Variants in RALY observed in about 807,000 individuals in gnomAD.
The protein encoded by RALY is RNA-binding protein Raly.
RALY carries 15 observed loss-of-function variants against 30.7 expected under a neutral mutation model. The ratio of observed to expected loss-of-function variants is 0.49; its 90% CI spans 0.33 to 0.75. RALY has a LOEUF of 0.75. Among genes scored for constraint, RALY ranks in the 30% least tolerant of loss-of-function variants. The probability of loss-of-function intolerance (pLI) is 0.02; values close to 1 mark genes in which losing one functional copy is unlikely to be tolerated. For missense variants in RALY, 339 were observed against 414.3 expected (o/e 0.82, Z 1.58); for synonymous variants, 177 against 170.8 (o/e 1.04, Z -0.28).
At chr20:34,025,986 G>T (rs377207428) in intron 1 of RALY, among the ~76,000 whole-genome samples, 25 of 143,050 alleles carry the variant, frequency 1.7e-4, no homozygotes, top group African/African-American at 5.6e-4. Context: ...ACTGGAGAAA[G>T]GTCCAGAGGA....
intron 2 of RALY, among the ~76,000 whole-genome samples, chr20:34,068,988 G>A (rs2033653431): frequency 6.6e-6 from 1 of 152,210 alleles, no homozygotes. Context: ...TGGGTACCTA[G>A]CGCATGCCAT....
chr20:34,030,161 T>C (rs1450819913), intron 1 of RALY, among the ~76,000 whole-genome samples: 2 of 152,138 alleles, frequency 1.3e-5, no homozygotes, highest in African/African-American at 4.8e-5. Context: ...CCTTCTGTTT[T>C]TGAGAATTGT....
chr20:33,996,867 A>T (rs1181799150), intron 1 of RALY, among the ~76,000 whole-genome samples: 1 of 152,152 alleles, frequency 6.6e-6, no homozygotes, highest in Admixed American at 6.5e-5. Flanking sequence ...ATGTAAGTGG[A>T]ATCATGCAAT....
chr20:34,006,841 T>C (rs2031180969), intron 1 of RALY, among the ~76,000 whole-genome samples: 1 of 152,184 alleles, frequency 6.6e-6, no homozygotes, highest in Non-Finnish European at 1.5e-5. Context: ...AGGGATGAAA[T>C]CGCCTAATGA....
chr20:34,048,871 A>T (rs558255751), intron 2 of RALY, among the ~76,000 whole-genome samples: 52 of 150,390 alleles, frequency 3.5e-4, no homozygotes, highest in Admixed American at 6.6e-4. Flanking sequence ...AAAAAAAAAA[A>T]TTTTCTCTGC....
At chr20:34,064,867 C>T (rs775044562) in intron 2 of RALY, among the ~76,000 whole-genome samples, 11 of 152,100 alleles carry the variant, frequency 7.2e-5, no homozygotes, top group Non-Finnish European at 1.0e-4. Context: ...GTATAATTTC[C>T]GTTTTGCAGT....
At chr20:34,005,796 A>G (rs1418195600) in intron 1 of RALY, among the ~76,000 whole-genome samples, 1 of 152,252 alleles carries the variant, frequency 6.6e-6, no homozygotes, top group Non-Finnish European at 1.5e-5. Context: ...TGGTCTTTTT[A>G]TAGTCTTCAC....
intron 8 of RALY, 197 bp downstream of exon 8, chr20:34,077,442 C>G: frequency 8.0e-7 from 1 of 1,251,720 alleles, no homozygotes; most frequent in Non-Finnish European, 1.1e-6. Context: ...CATCAGAAGT[C>G]CCACTGAGGC....
intron 1 of RALY, among the ~76,000 whole-genome samples, chr20:34,008,110 T>C (rs1241561688): frequency 6.6e-6 from 1 of 152,224 alleles, no homozygotes; most frequent in Non-Finnish European, 1.5e-5. Context: ...TACCTTTTCC[T>C]ACAAACCATT....
chr20:33,994,615 C>T (rs6120476), intron 1 of RALY, among the ~76,000 whole-genome samples: 1,774 of 152,334 alleles, frequency 0.012, 36 homozygotes, highest in African/African-American at 0.041. Context: ...CCTGCCTCGG[C>T]TCCCGCCTCT....
chr20:34,067,723 T>C (rs548083864), intron 2 of RALY, among the ~76,000 whole-genome samples: 1 of 152,304 alleles, frequency 6.6e-6, no homozygotes, highest in Non-Finnish European at 1.5e-5. Flanking sequence ...GGCCCAGCTT[T>C]TATGCAGCAA....
In RALY at chr20:34,013,919, C is replaced by A. The variant is rs139006273; in HGVS notation, c.-92-17603C>A. Among the ~76,000 whole-genome samples, 6 of 152,240 alleles carry A rather than the reference C, an allele frequency of 3.9e-5. No homozygotes were observed. The East Asian group carries it at 1.2e-3, about 29-fold the overall frequency. Reference sequence around the variant, plus strand: ...GTTGAGTGCTACAGATGAAATATGACAGTGCGCTTTAAAGAAGAGGCTTAA... The same window carrying A: ...GTTGAGTGCTACAGATGAAATATGAAAGTGCGCTTTAAAGAAGAGGCTTAA... On this transcript the variant is annotated intron_variant, in intron 1 of 9. Coordinates refer to ENST00000246194, the MANE Select transcript of RALY (RefSeq NM_016732.3).
intron 5 of RALY, among the ~76,000 whole-genome samples, chr20:34,075,613 A>G (rs1237664692): frequency 1.3e-5 from 2 of 152,072 alleles, no homozygotes; most frequent in African/African-American, 4.8e-5. Flanking sequence ...AATGGGGTAT[A>G]ACTGCTACCA....
intron 1 of RALY, among the ~76,000 whole-genome samples, chr20:34,026,374 TTTTATTTATTTATTTATTTATTTA>T (rs372397530): frequency 1.4e-5 from 2 of 142,372 alleles, no homozygotes; most frequent in African/African-American, 5.3e-5. Context: ...ACCTCAGACA[TTTTATTTATTTATTTATTTATTTA>T]TTTATTTATT....
chr20:34,002,512 C>CTCA (rs1416420675), intron 1 of RALY, among the ~76,000 whole-genome samples: 1 of 152,228 alleles, frequency 6.6e-6, no homozygotes, highest in Non-Finnish European at 1.5e-5. Context: ...GCCGCCCTGG[C>CTCA]TCATATATTT....
chr20:34,035,170 A>AC (rs1236439366), intron 2 of RALY, among the ~76,000 whole-genome samples: 3 of 122,052 alleles, frequency 2.5e-5, no homozygotes, highest in Non-Finnish European at 3.0e-5. Flanking sequence ...AAAAAAAAAA[A>AC]AAAAAAAAAA....
At chr20:34,047,171 T>G (rs2032910947) in intron 2 of RALY, among the ~76,000 whole-genome samples, 1 of 152,154 alleles carries the variant, frequency 6.6e-6, no homozygotes. Flanking sequence ...AATTCAACAC[T>G]AGTTACATTT....
chr20:34,033,447 C>CA (rs1209659498), intron 2 of RALY, among the ~76,000 whole-genome samples: 1 of 152,104 alleles, frequency 6.6e-6, no homozygotes, highest in Non-Finnish European at 1.5e-5. Flanking sequence ...TGGAAAAGTT[C>CA]AAGATTGGGT....
At chr20:34,025,307 C>T (rs1451969544) in intron 1 of RALY, among the ~76,000 whole-genome samples, 1 of 71,050 alleles carries the variant, frequency 1.4e-5, no homozygotes, top group African/African-American at 6.8e-5. Context: ...CTCTCTCTCT[C>T]TCTTTTTTTT....
Sources: gnomAD v4.1 joint callset for allele counts (sites outside exome capture counted in the v4.1 genomes callset) on GRCh38, gnomAD v4.1.1 for gene constraint, MANE v1.5 for transcripts, NCBI Gene and HGNC (gene_info 2026-07-23, HGNC 2026-07-21) for gene names.